BCL2: variants seen among roughly 807,000 people sequenced by gnomAD.
BCL2 encodes apoptosis regulator Bcl-2.
In BCL2, 1 loss-of-function variant was observed where a neutral mutation model predicts 14.2. The observed-to-expected ratio is 0.07, with a 90% CI of 0.02 to 0.33. The LOEUF is 0.33. Ranked by LOEUF, BCL2 falls within the 10% of genes least tolerant of loss-of-function variation. BCL2 has a pLI of 0.99. For synonymous variants in BCL2, 151 were observed against 137.2 expected, an observed-to-expected ratio of 1.10 and a Z score of -0.70; for missense variants, 247 against 305.9, an observed-to-expected ratio of 0.81 and a Z score of 1.44.
rs4987854 is a variant in BCL2, at chr18:63,126,393, C to T, written c.*2232G>A. The T allele has an allele frequency of 4.4e-3, 990 of 223,784 alleles. 11 individuals are homozygous for T. Among genetic ancestry groups the T allele is most frequent in the African/African-American group, 0.021 (928 of 44,856 alleles). 13.9% of individuals were successfully genotyped at this position (223,784 alleles called of 1,614,324 possible). On this transcript the variant is annotated 3_prime_UTR_variant, in exon 3 of 3. Coordinates refer to ENST00000333681, the MANE Select transcript of BCL2 (RefSeq NM_000633.3). ...GTAAAGCAACTCTCTAAAGGTCAAA[C>T]CACCATAGATTTGAATCTGCTGGTC...
chr18:63,317,481 A>C (rs4987712), intron 2 of BCL2: 2 of 926,222 alleles, frequency 2.2e-6, no homozygotes, highest in South Asian at 9.9e-5. Flanking sequence ...TGGAATGTCA[A>C]CTTAGCTCTT....
At chr18:63,180,943 G>T (rs1003386107) in intron 2 of BCL2, among the ~76,000 whole-genome samples, 1 of 152,200 alleles carries the variant, frequency 6.6e-6, no homozygotes, top group Non-Finnish European at 1.5e-5. Flanking sequence ...ACGTGTCAGT[G>T]TACAGACGCT....
At chr18:63,210,513 T>G (rs1909969442) in intron 2 of BCL2, among the ~76,000 whole-genome samples, 1 of 152,272 alleles carries the variant, frequency 6.6e-6, no homozygotes, top group Non-Finnish European at 1.5e-5. Flanking sequence ...CATAATATTC[T>G]AATCAGCAAT....
At chr18:63,262,623 C>T (rs866429431) in intron 2 of BCL2, among the ~76,000 whole-genome samples, 18 of 152,118 alleles carry the variant, frequency 1.2e-4, no homozygotes, top group African/African-American at 4.3e-4. Context: ...ACCTTTGCTC[C>T]GACCAGTCAG....
At chr18:63,129,778 G>A (rs1044168838) in intron 2 of BCL2, among the ~76,000 whole-genome samples, 1 of 152,192 alleles carries the variant, frequency 6.6e-6, no homozygotes, top group East Asian at 1.9e-4. Flanking sequence ...GGTCAGTCAA[G>A]GGCTCAGTCA....
At chr18:63,197,423 T>C (rs1345480804) in intron 2 of BCL2, among the ~76,000 whole-genome samples, 1 of 152,206 alleles carries the variant, frequency 6.6e-6, no homozygotes, top group African/African-American at 2.4e-5. Flanking sequence ...TGGTGGCTAT[T>C]TCTGGTGTCA....
At position 63,149,447 on chromosome 18, in the gene BCL2, C is replaced by T. The variant is rs183550114; in HGVS notation, c.586-20688G>A. Reference sequence around the variant, plus strand: ...ACAGGCCACAGACCCATACCGGTCCCGGGCTATATGTATAAGTTGCAACTG... The same window carrying T: ...ACAGGCCACAGACCCATACCGGTCCTGGGCTATATGTATAAGTTGCAACTG... On this transcript the variant is annotated intron_variant, in intron 2 of 2. Transcript: ENST00000333681. The surrounding 1 kb of genome is among the most constrained non-coding windows in gnomAD (Gnocchi z 4.2). Among the ~76,000 whole-genome samples the T allele has an allele frequency of 1.1e-4, 16 of 152,318 alleles. No homozygotes were observed. The highest frequency in any genetic ancestry group is 3.1e-4 in the African/African-American group (13 of 41,560).
At chr18:63,248,373 A>G (rs1213613160) in intron 2 of BCL2, among the ~76,000 whole-genome samples, 2 of 152,230 alleles carry the variant, frequency 1.3e-5, no homozygotes, top group Non-Finnish European at 2.9e-5. Flanking sequence ...TGTCCTTCAC[A>G]GTAAAGCAAG....
intron 2 of BCL2, chr18:63,316,297 A>G (rs1402018586): frequency 6.6e-6 from 1 of 152,204 alleles, no homozygotes; most frequent in East Asian, 1.9e-4. Flanking sequence ...ACCAGTTACC[A>G]CCTTGGATTT....
intron 2 of BCL2, among the ~76,000 whole-genome samples, chr18:63,272,527 TTTTG>T (rs1436760990): frequency 6.6e-6 from 1 of 152,222 alleles, no homozygotes; most frequent in East Asian, 1.9e-4. Flanking sequence ...CAGAAATGTT[TTTTG>T]TTTGTTTGAT....
At chr18:63,282,871 T>C (rs2144257138) in intron 2 of BCL2, among the ~76,000 whole-genome samples, 1 of 152,298 alleles carries the variant, frequency 6.6e-6, no homozygotes, top group East Asian at 1.9e-4. Context: ...GCTGAACAGA[T>C]TTTAGAACAT....
At chr18:63,275,248 AGG>A (rs35366804) in intron 2 of BCL2, among the ~76,000 whole-genome samples, 32,006 of 150,814 alleles carry the variant, frequency 0.21, 3,906 homozygotes, top group African/African-American at 0.34. Context: ...AAAAAAAAAA[AGG>A]GAAATAATTT....
chr18:63,298,073 G>A (rs577888546), intron 2 of BCL2, among the ~76,000 whole-genome samples: 5 of 152,266 alleles, frequency 3.3e-5, no homozygotes, highest in Admixed American at 3.3e-4. Flanking sequence ...ATTTACCAGG[G>A]TGGTCGAGCA....
chr18:63,295,738 C>A (rs1028338610), intron 2 of BCL2, among the ~76,000 whole-genome samples: 1 of 152,126 alleles, frequency 6.6e-6, no homozygotes, highest in Non-Finnish European at 1.5e-5. Flanking sequence ...TAGAACTGCA[C>A]CTCCCCAACC....
chr18:63,144,960 G>A (rs1488799157), intron 2 of BCL2, among the ~76,000 whole-genome samples: 1 of 152,220 alleles, frequency 6.6e-6, no homozygotes, highest in Non-Finnish European at 1.5e-5. Context: ...ACTGTGGTCT[G>A]GCCCTGTTGC....
rs1800477 is a variant in BCL2 at position 63,318,540 on chromosome 18, C to A, written c.127G>T (p.Ala43Ser). The change falls in exon 2 of 3, where the codon GCC (alanine) becomes TCC (serine). Residue 43 changes from alanine to serine, a missense_variant. Around this residue, in one of 3 missense-constraint regions of BCL2, gnomAD observed 144 missense variants for 135.3 expected, o/e 1.06. Transcript: ENST00000333681. The surrounding 1 kb of genome is among the most constrained non-coding windows in gnomAD (Gnocchi z 7.4). ...GDVGAAPPGA[A>S]PAPGIFSSQP... is the part of the protein sequence containing the mutation. ...GAGGAGAAGATGCCCGGTGCGGGGG[C>A]GGCCCCCGGGGGCGCGGCGCCCACA... 1 of 1,584,608 alleles carries A rather than the reference C, an allele frequency of 6.3e-7. No homozygotes were observed.
chr18:63,290,941 G>A (rs533701729), intron 2 of BCL2, among the ~76,000 whole-genome samples: 5 of 152,000 alleles, frequency 3.3e-5, no homozygotes, highest in South Asian at 2.1e-4. Context: ...AAAAGCCTCC[G>A]AGATGGTGAT....
intron 2 of BCL2, among the ~76,000 whole-genome samples, chr18:63,283,623 G>A (rs1912377378): frequency 2.0e-5 from 3 of 152,146 alleles, no homozygotes; most frequent in African/African-American, 7.2e-5. Context: ...CTGCTCATGG[G>A]AACCGTATCC....
At chr18:63,155,040 T>G (rs563652028) in intron 2 of BCL2, among the ~76,000 whole-genome samples, 3 of 152,306 alleles carry the variant, frequency 2.0e-5, no homozygotes, top group African/African-American at 7.2e-5. Context: ...CGTCACAGCT[T>G]CACCTTACCC....
Sources: allele counts gnomAD v4.1 joint callset (sites outside exome capture counted in the v4.1 genomes callset), GRCh38; gene constraint gnomAD v4.1.1; regional missense constraint gnomAD v4.1.1; non-coding constraint Gnocchi (gnomAD v3.1); transcripts MANE v1.5; gene names NCBI Gene and HGNC (gene_info 2026-07-23, HGNC 2026-07-21).